The following TMEM117 variants were observed in gnomAD, a reference collection of about 807,000 sequenced individuals.
The protein encoded by TMEM117 is transmembrane protein 117.
A neutral mutation model predicts 52.4 loss-of-function variants in TMEM117; 27 were observed. The observed-to-expected ratio is 0.51, with a 90% CI of 0.38 to 0.71. The LOEUF (loss-of-function observed/expected upper bound fraction) is 0.71. Ranked by LOEUF, TMEM117 falls within the 30% of genes least tolerant of loss-of-function variation. The probability of loss-of-function intolerance (pLI) is 0.00; values close to 1 mark genes in which losing one functional copy is unlikely to be tolerated. For synonymous variants in TMEM117, 215 were observed against 206.3 expected, an observed-to-expected ratio of 1.04 and a Z score of -0.36; for missense variants, 556 against 630.5, an observed-to-expected ratio of 0.88 and a Z score of 1.26.
intron 2 of TMEM117, among the ~76,000 whole-genome samples, chr12:43,906,919 A>T (rs968524468): frequency 2.0e-5 from 3 of 152,174 alleles, no homozygotes; most frequent in Non-Finnish European, 4.4e-5. Context: ...AGGCTGGGGG[A>T]GGGGCGCCTG....
chr12:44,181,298 TA>T (rs1949194720), intron 4 of TMEM117, among the ~76,000 whole-genome samples: 1 of 152,072 alleles, frequency 6.6e-6, no homozygotes, highest in African/African-American at 2.4e-5. Flanking sequence ...TCCCATTCTG[TA>T]GGTTGCCTGT....
intron 3 of TMEM117, among the ~76,000 whole-genome samples, chr12:43,968,768 C>A (rs1278248138): frequency 6.6e-6 from 1 of 152,054 alleles, no homozygotes; most frequent in Admixed American, 6.5e-5. Flanking sequence ...ATGCCATATA[C>A]CACATTAATC....
intron 3 of TMEM117, among the ~76,000 whole-genome samples, chr12:43,987,623 A>C (rs1301996245): frequency 1.3e-5 from 2 of 152,028 alleles, no homozygotes; most frequent in Non-Finnish European, 2.9e-5. Flanking sequence ...ATGGACAAAA[A>C]ATTGAGTATT....
chr12:43,849,721 A>G (rs751925233), intron 2 of TMEM117, among the ~76,000 whole-genome samples: 1 of 151,996 alleles, frequency 6.6e-6, no homozygotes, highest in African/African-American at 2.4e-5. Context: ...CTTACTAAAA[A>G]CCTATGAAAT....
At chr12:43,882,795 G>A (rs750630428) in intron 2 of TMEM117, among the ~76,000 whole-genome samples, 2 of 152,124 alleles carry the variant, frequency 1.3e-5, no homozygotes, top group Admixed American at 6.5e-5. Context: ...CAGCTTATTC[G>A]ATGATCAGAT....
At chr12:44,157,588 T>C (rs1948843796) in intron 4 of TMEM117, among the ~76,000 whole-genome samples, 1 of 152,114 alleles carries the variant, frequency 6.6e-6, no homozygotes, top group African/African-American at 2.4e-5. Flanking sequence ...AAAAAAATAA[T>C]GAGGTCGGCT....
chr12:43,925,302 T>A (rs76138003), intron 2 of TMEM117, among the ~76,000 whole-genome samples: 5 of 26,164 alleles, frequency 1.9e-4, no homozygotes, highest in East Asian at 2.5e-3. Context: ...CCAAAAAAAA[T>A]TTTTTTTTTT....
chr12:44,320,140 A>G lies in TMEM117; in HGVS notation c.768+20401A>G, dbSNP rs577126026. On this transcript the variant is annotated intron_variant, in intron 6 of 7. Coordinates refer to ENST00000266534, the MANE Select transcript of TMEM117 (RefSeq NM_032256.3). ...CATGTCTAAAACCAAGCTATCATCA[A>G]CCCTTCAAACAGTTATCTATCCAGT... Among the ~76,000 whole-genome samples, 243 of 152,256 alleles carry G rather than the reference A, an allele frequency of 1.6e-3. 3 individuals carry two copies. The highest frequency in any genetic ancestry group is 5.4e-3 in the African/African-American group (224 of 41,542).
intron 3 of TMEM117, among the ~76,000 whole-genome samples, chr12:43,994,194 A>G (rs1266100270): frequency 6.6e-6 from 1 of 152,194 alleles, no homozygotes; most frequent in Non-Finnish European, 1.5e-5. Flanking sequence ...GAAAGGGACC[A>G]TCGTATTAAA....
At chr12:44,075,561 G>A (rs1185420488) in intron 3 of TMEM117, among the ~76,000 whole-genome samples, 3 of 152,158 alleles carry the variant, frequency 2.0e-5, no homozygotes, top group African/African-American at 7.2e-5. Flanking sequence ...TTGTAAAACA[G>A]GGATAGTAAT....
At chr12:44,182,824 C>A (rs1949223002) in intron 4 of TMEM117, among the ~76,000 whole-genome samples, 1 of 152,016 alleles carries the variant, frequency 6.6e-6, no homozygotes, top group Admixed American at 6.6e-5. Flanking sequence ...AGTAGCACCT[C>A]CATCTTGTAT....
chr12:44,171,013 CTTTTT>C (rs757855409), intron 4 of TMEM117, among the ~76,000 whole-genome samples: 1 of 132,136 alleles, frequency 7.6e-6, no homozygotes, highest in Non-Finnish European at 1.6e-5. Context: ...TAACAAATAT[CTTTTT>C]TTTTTTTTTT....
intron 3 of TMEM117, among the ~76,000 whole-genome samples, chr12:44,048,496 C>T (rs1218606784): frequency 6.6e-6 from 1 of 152,108 alleles, no homozygotes; most frequent in Admixed American, 6.5e-5. Flanking sequence ...AAACATTTTC[C>T]TATATACTTT....
At chr12:44,143,463 A>G (rs1948597608) in intron 3 of TMEM117, 62 bp from the exon 4 acceptor site, 1 of 1,301,892 alleles carries the variant, frequency 7.7e-7, no homozygotes, top group African/African-American at 1.5e-5. Context: ...TTGCTGAACC[A>G]GAAAGCCTTA....
intron 3 of TMEM117, among the ~76,000 whole-genome samples, chr12:44,088,334 TA>T (rs1180262779): frequency 7.2e-5 from 11 of 152,206 alleles, no homozygotes; most frequent in African/African-American, 2.7e-4. Flanking sequence ...TGAGATTAAT[TA>T]GTATAGTCAT....
At chr12:43,823,959 A>C in the TMEM117 span, among the ~76,000 whole-genome samples, 1 of 152,276 alleles carries the variant, frequency 6.6e-6, no homozygotes, top group African/African-American at 2.4e-5. Context: ...ATAGTTTGAC[A>C]AATTACTTAC....
At chr12:43,977,084 A>G (rs1002188750) in intron 3 of TMEM117, among the ~76,000 whole-genome samples, 3 of 152,182 alleles carry the variant, frequency 2.0e-5, no homozygotes, top group Non-Finnish European at 4.4e-5. Context: ...GATGAGCCTA[A>G]TAGAGTGTAG....
chr12:43,937,909 G>A (rs1944978950), intron 2 of TMEM117, among the ~76,000 whole-genome samples: 1 of 152,136 alleles, frequency 6.6e-6, no homozygotes, highest in Non-Finnish European at 1.5e-5. Context: ...GGGTCTCAGT[G>A]TTATAGACCA....
intron 6 of TMEM117, among the ~76,000 whole-genome samples, chr12:44,329,921 C>G (rs573563349): frequency 6.6e-6 from 1 of 152,074 alleles, no homozygotes; most frequent in Non-Finnish European, 1.5e-5. Context: ...TCCATGGACA[C>G]TTGGGTTGCT....
Sources: gnomAD v4.1 joint callset for allele counts (sites outside exome capture counted in the v4.1 genomes callset) on GRCh38, gnomAD v4.1.1 for gene constraint, MANE v1.5 for transcripts, NCBI Gene and HGNC (gene_info 2026-07-23, HGNC 2026-07-21) for gene names.